BNC2: variants seen among roughly 807,000 people sequenced by gnomAD.
BNC2 encodes the protein zinc finger protein basonuclin-2.
BNC2 carries 20 observed loss-of-function variants against 76.3 expected under a neutral mutation model. The observed-to-expected ratio is 0.26, with a 90% CI of 0.18 to 0.38. The LOEUF is 0.38. BNC2 is among the 10% of genes least tolerant of loss of function. BNC2 has a pLI of 1.00. For missense variants in BNC2, 1,382 were observed against 1,399.8 expected, an observed-to-expected ratio of 0.99 and a Z score of 0.20; for synonymous variants, 582 against 514.8, an observed-to-expected ratio of 1.13 and a Z score of -1.77.
At chr9:16,429,254 A>T (rs1820860009) in intron 6 of BNC2, 1 of 152,214 alleles carries the variant, frequency 6.6e-6, no homozygotes, top group Non-Finnish European at 1.5e-5. Flanking sequence ...CACTTACAGC[A>T]AAAGAGTTGA....
At chr9:16,800,664 A>G (rs1219140900) in intron 1 of BNC2, among the ~76,000 whole-genome samples, 2 of 152,164 alleles carry the variant, frequency 1.3e-5, no homozygotes, top group South Asian at 2.1e-4. Flanking sequence ...AAGTAAAGAT[A>G]ATTTTTAAAT....
At chr9:16,796,875 G>A (rs1322901657) in intron 1 of BNC2, among the ~76,000 whole-genome samples, 1 of 152,134 alleles carries the variant, frequency 6.6e-6, no homozygotes, top group Admixed American at 6.5e-5. Context: ...GTGGGTCTCT[G>A]TACAAGGTCA....
intron 5 of BNC2, among the ~76,000 whole-genome samples, chr9:16,525,131 GTAGATAACATTGATAAC>G (rs144542149): frequency 0.13 from 19,505 of 151,510 alleles, 1,832 homozygotes; most frequent in African/African-American, 0.25. Flanking sequence ...TAAAATACTA[GTAGATAACATTGATAAC>G]TAGATAACAT....
chr9:16,449,711 TA>T, intron 5 of BNC2, among the ~76,000 whole-genome samples: 1 of 152,200 alleles, frequency 6.6e-6, no homozygotes, highest in South Asian at 2.1e-4. Flanking sequence ...TCACAATTAG[TA>T]AAAACATATT....
rs71327860 is a variant in BNC2 at position 16,793,648 on chromosome 9, C to CTTT, written c.4-55166_4-55164dup. Among the ~76,000 whole-genome samples, 327 of 55,810 alleles carry CTTT rather than the reference C, an allele frequency of 5.9e-3. 5 individuals carry two copies. Among genetic ancestry groups the CTTT allele is most frequent in the Middle Eastern group, 0.012 (1 of 84 alleles). 36.6% of individuals were successfully genotyped at this position (55,810 alleles called of 152,430 possible). ...CCAAAGGGGTACTTGCCTTCCACAT[C>CTTT]TTTTTTTTTTTTTTTTTTTTTTTTT... On this transcript the variant is annotated intron_variant, in intron 1 of 6. Transcript: ENST00000380672.
intron 3 of BNC2, chr9:16,626,126 A>C (rs1482425642): frequency 2.0e-5 from 3 of 152,194 alleles, no homozygotes; most frequent in African/African-American, 7.2e-5. Context: ...AGACATGTGT[A>C]CTGAAAATTG....
At chr9:16,503,710 T>C (rs1001803447) in intron 5 of BNC2, among the ~76,000 whole-genome samples, 7 of 152,204 alleles carry the variant, frequency 4.6e-5, no homozygotes, top group Admixed American at 1.3e-4. Context: ...TCCACAGACA[T>C]GACAATGTTT....
intron 3 of BNC2, among the ~76,000 whole-genome samples, chr9:16,595,073 C>T (rs2133222343): frequency 6.6e-6 from 1 of 152,126 alleles, no homozygotes; most frequent in African/African-American, 2.4e-5. Context: ...AAGAAAGTGA[C>T]CCAGCACAGT....
intron 3 of BNC2, among the ~76,000 whole-genome samples, chr9:16,659,148 G>T (rs554888355): frequency 2.0e-5 from 1 of 50,254 alleles, no homozygotes; most frequent in African/African-American, 2.5e-4. Context: ...GATGGATGGC[G>T]GGGGGGGGCA....
chr9:16,844,671 G>A (rs1416866312), intron 1 of BNC2, among the ~76,000 whole-genome samples: 2 of 151,878 alleles, frequency 1.3e-5, no homozygotes, highest in Non-Finnish European at 2.9e-5. Flanking sequence ...GCTAATTTTT[G>A]TATTTTTAGT....
intron 3 of BNC2, among the ~76,000 whole-genome samples, chr9:16,587,909 A>T (rs189815564): frequency 6.6e-6 from 1 of 152,118 alleles, no homozygotes; most frequent in Non-Finnish European, 1.5e-5. Context: ...ATCATAATTG[A>T]TCTGTCATAA....
intron 1 of BNC2, among the ~76,000 whole-genome samples, chr9:16,806,569 A>G (rs965991234): frequency 5.3e-5 from 8 of 152,160 alleles, no homozygotes; most frequent in African/African-American, 1.2e-4. Context: ...TTTTCTAATT[A>G]CCCAGGCAAA....
chr9:16,599,283 G>C (rs762071266), intron 3 of BNC2, among the ~76,000 whole-genome samples: 7 of 152,180 alleles, frequency 4.6e-5, no homozygotes, highest in Non-Finnish European at 7.3e-5. Context: ...TGGAGAGTTA[G>C]GTCATAACTT....
intron 1 of BNC2, among the ~76,000 whole-genome samples, chr9:16,827,577 A>G (rs1818483696): frequency 6.6e-6 from 1 of 152,206 alleles, no homozygotes; most frequent in African/African-American, 2.4e-5. Context: ...GGAAAACTAT[A>G]AACTTTGTTG....
Position 16,437,374 on chromosome 9 carries a change from G to A in BNC2, c.820C>T (p.Pro274Ser), listed in dbSNP as rs758428402. The A allele has an allele frequency of 6.2e-7, 1 of 1,613,258 alleles. No individual in the cohort carries two copies. The highest frequency in any genetic ancestry group is 1.3e-5 in the African/African-American group (1 of 74,888). The change falls in exon 6 of 7, where the codon CCA becomes TCA. Residue 274 changes from proline to serine, a missense_variant. This residue lies in a region of BNC2 where 557 missense variants were observed against 540.9 expected (regional missense o/e 1.03). Coordinates refer to ENST00000380672, the MANE Select transcript of BNC2 (RefSeq NM_017637.6). ...ATATCTGAGTCTGTCTTTGAAGATGGTACAGCCACGGCCTGCCCTTCTTTC... is the reference window on the plus strand; with the variant it reads ...ATATCTGAGTCTGTCTTTGAAGATGATACAGCCACGGCCTGCCCTTCTTTC... ...QEKEGQAVAV[P>S]SSKTDSDIRT...
intron 5 of BNC2, among the ~76,000 whole-genome samples, chr9:16,528,920 C>A (rs1050410833): frequency 2.0e-5 from 3 of 152,178 alleles, no homozygotes; most frequent in African/African-American, 7.2e-5. Flanking sequence ...GAAACATATT[C>A]TCTCTCTGTT....
At chr9:16,866,466 G>T (rs7021274) in intron 1 of BNC2, among the ~76,000 whole-genome samples, 3 of 151,742 alleles carry the variant, frequency 2.0e-5, no homozygotes, top group African/African-American at 4.8e-5. Flanking sequence ...GAACTCTGAA[G>T]ACTGGCCTCC....
At chr9:16,771,838 C>T (rs1825841617) in intron 1 of BNC2, among the ~76,000 whole-genome samples, 1 of 152,176 alleles carries the variant, frequency 6.6e-6, no homozygotes, top group African/African-American at 2.4e-5. Flanking sequence ...ACCCTCACAA[C>T]CCTAATCCTC....
chr9:16,662,683 CTG>C (rs1255204554), intron 3 of BNC2, among the ~76,000 whole-genome samples: 1 of 152,168 alleles, frequency 6.6e-6, no homozygotes, highest in African/African-American at 2.4e-5. Flanking sequence ...TTGCAGTGAG[CTG>C]AGATCAGGCC....
Sources: gnomAD v4.1 joint callset for allele counts (sites outside exome capture counted in the v4.1 genomes callset) on GRCh38, gnomAD v4.1.1 for gene constraint, gnomAD v4.1.1 regional missense constraint, MANE v1.5 for transcripts, NCBI Gene and HGNC (gene_info 2026-07-23, HGNC 2026-07-21) for gene names.